Variants in LGR6 observed in about 807,000 individuals in gnomAD.
LGR6 encodes the protein leucine rich repeat containing G protein-coupled receptor 6.
In LGR6, 45 loss-of-function variants were observed where a neutral mutation model predicts 69.4. The ratio of observed to expected loss-of-function variants is 0.65; its 90% CI spans 0.51 to 0.83. LGR6 has a LOEUF of 0.83. Among genes scored for constraint, LGR6 ranks in the 40% least tolerant of loss-of-function variants. The probability of loss-of-function intolerance (pLI) is 0.00; values close to 1 mark genes in which losing one functional copy is unlikely to be tolerated. For missense variants in LGR6, 1,108 were observed against 1,246.7 expected (o/e 0.89, Z 1.68); for synonymous variants, 538 against 555.0 (o/e 0.97, Z 0.43).
chr1:202,251,957 A>C (rs148648692), intron 4 of LGR6, among the ~76,000 whole-genome samples: 100 of 152,082 alleles, frequency 6.6e-4, no homozygotes, highest in African/African-American at 2.4e-3. Flanking sequence ...ATTGGAGGCA[A>C]ACAAATAGTC....
At chr1:202,206,940 C>CA (rs1659266412) in intron 1 of LGR6, among the ~76,000 whole-genome samples, 1 of 150,502 alleles carries the variant, frequency 6.6e-6, no homozygotes, top group African/African-American at 2.5e-5. Flanking sequence ...TTTATTGAGA[C>CA]AGAGTCTCGC....
intron 4 of LGR6, among the ~76,000 whole-genome samples, chr1:202,245,792 C>A (rs981959270): frequency 6.6e-6 from 1 of 152,242 alleles, no homozygotes; most frequent in Non-Finnish European, 1.5e-5. Context: ...GCTCTCCTTC[C>A]TCTTGTATTA....
In LGR6 at chr1:202,314,824, C is replaced by G; in HGVS notation, c.1590C>G (p.Leu530=). ...ENHYDQDLDE[L]QLEMEDSKPH... ...CAGATGACCAGGACCTGGATGAGCT[C>G]CAGCTGGAGATGGAGGACTCAAAGC... The change falls in exon 17 of 18, where the codon CTC becomes CTG. Residue 530 remains leucine (L), a synonymous_variant. Coordinates refer to ENST00000367278, the MANE Select transcript of LGR6 (RefSeq NM_001017403.2). 1 of 1,613,972 alleles carries G rather than the reference C, an allele frequency of 6.2e-7. No homozygotes were observed. The highest frequency in any genetic ancestry group is 8.5e-7 in the Non-Finnish European group (1 of 1,179,916).
At chr1:202,276,955 CAGAGA>C (rs1309038328) in intron 5 of LGR6, among the ~76,000 whole-genome samples, 1 of 152,106 alleles carries the variant, frequency 6.6e-6, no homozygotes, top group Non-Finnish European at 1.5e-5. Context: ...CCTTAAGAAG[CAGAGA>C]AAAGTCATCA....
intron 6 of LGR6, among the ~76,000 whole-genome samples, chr1:202,289,702 C>A (rs540599124): frequency 6.6e-6 from 1 of 152,294 alleles, no homozygotes; most frequent in East Asian, 1.9e-4. Flanking sequence ...CCTGGCTCAC[C>A]CAGTCATCTG....
chr1:202,239,220 C>T (rs1182623019), intron 4 of LGR6, among the ~76,000 whole-genome samples: 1 of 152,160 alleles, frequency 6.6e-6, no homozygotes, highest in African/African-American at 2.4e-5. Context: ...GCGACTGGGC[C>T]TGAGAAGGGA....
At chr1:202,194,700 G>GA in intron 1 of LGR6, 1 of 191,192 alleles carries the variant, frequency 5.2e-6, no homozygotes, top group Admixed American at 1.1e-4. Flanking sequence ...TGGCCTTCGT[G>GA]GGGGCGGGGG....
At chr1:202,215,752 G>T (rs989963263) in intron 1 of LGR6, among the ~76,000 whole-genome samples, 1 of 152,218 alleles carries the variant, frequency 6.6e-6, no homozygotes, top group African/African-American at 2.4e-5. Flanking sequence ...CCTTGAAGCT[G>T]CGTGTGTATG....
At chr1:202,317,351 T>TG (rs1431092746) in intron 17 of LGR6, among the ~76,000 whole-genome samples, 1 of 149,278 alleles carries the variant, frequency 6.7e-6, no homozygotes, top group Non-Finnish European at 1.5e-5. Flanking sequence ...TTTTTTTTTG[T>TG]TTTTTTGGGG....
At chr1:202,305,467 A>G (rs536724406) in intron 11 of LGR6, among the ~76,000 whole-genome samples, 3 of 152,102 alleles carry the variant, frequency 2.0e-5, no homozygotes, top group Non-Finnish European at 4.4e-5. Context: ...TCTAGGCCCA[A>G]TGAGGAGTGG....
chr1:202,229,757 T>C (rs1006316440), intron 3 of LGR6, among the ~76,000 whole-genome samples: 6 of 152,172 alleles, frequency 3.9e-5, no homozygotes, highest in Non-Finnish European at 7.4e-5. Flanking sequence ...CACTTTGCCA[T>C]TGAGCCTCAT....
Position 202,201,035 on chromosome 1 carries a change from A to G in LGR6, c.212+6834A>G, listed in dbSNP as rs544230583. Among the ~76,000 whole-genome samples, 4 of 152,284 alleles carry G rather than the reference A, an allele frequency of 2.6e-5. No homozygotes were observed. The South Asian group carries it at 8.3e-4, about 32-fold the overall frequency. The stretch of plus-strand genomic sequence containing the variant: ...CAATCTTTTGTCTCCTCCAGAAACC[A>G]TCAGGGGATGCCTATGCTCTGTGTC... On this transcript the variant is annotated intron_variant, in intron 1 of 17. Transcript: ENST00000367278.
At chr1:202,262,838 T>G (rs1382425283) in intron 4 of LGR6, among the ~76,000 whole-genome samples, 1 of 152,236 alleles carries the variant, frequency 6.6e-6, no homozygotes, top group Admixed American at 6.5e-5. Context: ...TCACCTACAA[T>G]GCAAATTTGA....
chr1:202,211,480 G>A (rs1442322462), intron 1 of LGR6, among the ~76,000 whole-genome samples: 2 of 152,098 alleles, frequency 1.3e-5, no homozygotes, highest in Non-Finnish European at 2.9e-5. Context: ...TCCTGACTCA[G>A]CCTCCCAAGT....
intron 5 of LGR6, 150 bp from the exon 6 acceptor site, chr1:202,280,631 C>A: frequency 1.4e-6 from 1 of 737,330 alleles, no homozygotes; most frequent in Non-Finnish European, 2.4e-6. Flanking sequence ...CTTGGCCAGT[C>A]AGTTTGTTCC....
chr1:202,262,501 A>G (rs1033935631), intron 4 of LGR6, among the ~76,000 whole-genome samples: 3 of 152,056 alleles, frequency 2.0e-5, no homozygotes, highest in Admixed American at 6.5e-5. Flanking sequence ...GCCTTGTAGT[A>G]TAGTTTGAAG....
At chr1:202,296,679 G>T (rs984246044) in intron 6 of LGR6, among the ~76,000 whole-genome samples, 22 of 152,252 alleles carry the variant, frequency 1.4e-4, no homozygotes, top group African/African-American at 5.1e-4. Flanking sequence ...AGAGTTGATG[G>T]AGTGAAGCTG....
At chr1:202,308,315 A>G (rs937885759) in intron 14 of LGR6, among the ~76,000 whole-genome samples, 1 of 152,050 alleles carries the variant, frequency 6.6e-6, no homozygotes, top group Non-Finnish European at 1.5e-5. Context: ...GGATATTTTT[A>G]TCCCTTTGAA....
At chr1:202,244,559 G>A (rs182799819) in intron 4 of LGR6, among the ~76,000 whole-genome samples, 4 of 152,040 alleles carry the variant, frequency 2.6e-5, no homozygotes, top group African/African-American at 9.6e-5. Context: ...TCCAGTCTCT[G>A]CCTTCTGCCT....
Sources: allele counts gnomAD v4.1 joint callset (sites outside exome capture counted in the v4.1 genomes callset), GRCh38; gene constraint gnomAD v4.1.1; transcripts MANE v1.5; gene names NCBI Gene and HGNC (gene_info 2026-07-23, HGNC 2026-07-21).